STMN3: variants seen among roughly 807,000 people sequenced by gnomAD.
STMN3 encodes stathmin 3.
In STMN3, 24 loss-of-function variants were observed where a neutral mutation model predicts 23.2. The ratio of observed to expected loss-of-function variants is 1.03; its 90% CI spans 0.75 to 1.45. The LOEUF (loss-of-function observed/expected upper bound fraction) is 1.45. Ranked by LOEUF, STMN3 falls within the 40% of genes most tolerant of loss-of-function variation. STMN3 has a pLI of 0.00. For missense variants in STMN3, 235 were observed against 237.6 expected (o/e 0.99, Z 0.07); for synonymous variants, 117 against 103.4 (o/e 1.13, Z -0.80).
rs1569072055 is a variant in STMN3, at chr20:63,652,546, G to C, written c.19+781C>G. ...CCTCCGCCTGAGCTCCGCGCGGGAC[G>C]GGCCGGGAGGCCGGGGTGGGCGCTA... On this transcript the variant is annotated intron_variant, in intron 1 of 4. Coordinates refer to ENST00000370053, the MANE Select transcript of STMN3 (RefSeq NM_015894.4). This position sits in a 1 kb window ranked among gnomAD's most constrained non-coding sequence, Gnocchi z 5.3. 10 of 982,996 alleles carry C rather than the reference G, an allele frequency of 1.0e-5. No homozygotes were observed. The highest frequency in any genetic ancestry group is 1.2e-5 in the Non-Finnish European group (10 of 827,950). The allele number at this position is 982,996 out of a possible 1,614,324, so 60.9% of individuals were successfully genotyped here.
At chr20:63,642,898 G>C (rs1309992256) in intron 3 of STMN3, among the ~76,000 whole-genome samples, 3 of 152,154 alleles carry the variant, frequency 2.0e-5, no homozygotes, top group African/African-American at 4.8e-5. Context: ...GCCTCACCGG[G>C]AAGGGAACGG....
chr20:63,641,410 G>T lies in STMN3; in HGVS notation c.484-13C>A. ...CCGCGTGCAGCTCCTGCAGGACAGG[G>T]GGCGGGAGGGCCTGAGGGCGGGGGT... is the stretch of plus-strand genomic sequence containing the variant. On this transcript the variant is annotated splice_polypyrimidine_tract_variant and intron_variant, in intron 4 of 4. Transcript: ENST00000370053. The T allele has an allele frequency of 6.4e-7, 1 of 1,560,498 alleles. No homozygotes were observed. The highest frequency in any genetic ancestry group is 2.4e-5 in the East Asian group (1 of 42,110).
At chr20:63,650,827 G>C (rs1484362674) in intron 1 of STMN3, among the ~76,000 whole-genome samples, 1 of 39,102 alleles carries the variant, frequency 2.6e-5, no homozygotes, top group Non-Finnish European at 4.8e-5. Flanking sequence ...CACCCCTCCC[G>C]CCGCCCAGGT....
chr20:63,650,163 C>T (rs183693789), intron 1 of STMN3, among the ~76,000 whole-genome samples: 207 of 151,872 alleles, frequency 1.4e-3, no homozygotes, highest in African/African-American at 4.6e-3. Flanking sequence ...TGAGCCCCCG[C>T]GCCCGGCCCC....
At chr20:63,643,635 C>A in intron 3 of STMN3, 121 bp downstream of exon 3, 1 of 1,383,540 alleles carries the variant, frequency 7.2e-7, no homozygotes, top group Non-Finnish European at 9.3e-7. Flanking sequence ...CACAGCCCCT[C>A]CTGCTCCAGG....
intron 1 of STMN3, among the ~76,000 whole-genome samples, chr20:63,647,742 C>T (rs561597163): frequency 6.4e-5 from 7 of 109,862 alleles, no homozygotes; most frequent in East Asian, 2.2e-4. Flanking sequence ...TATATATACA[C>T]GTGTATATAT....
intron 2 of STMN3, 130 bp from the exon 3 acceptor site, chr20:63,644,061 C>A: frequency 7.2e-7 from 1 of 1,391,634 alleles, no homozygotes; most frequent in East Asian, 2.4e-5. Flanking sequence ...GCAGGAATCC[C>A]AGGCTTCAGC....
At chr20:63,643,564 A>G in intron 3 of STMN3, 192 bp downstream of exon 3, 4 of 905,068 alleles carry the variant, frequency 4.4e-6, no homozygotes, top group South Asian at 5.1e-5. Flanking sequence ...TACAGGCGTG[A>G]GCCACCACAC....
Position 63,641,115 on chromosome 20 carries a change from C to G in STMN3, c.*223G>C. The G allele has an allele frequency of 1.6e-6, 1 of 619,846 alleles. No individual in the cohort carries two copies. The highest frequency in any genetic ancestry group is 3.0e-6 in the Non-Finnish European group (1 of 338,854). The allele number at this position is 619,846 out of a possible 1,614,324, so 38.4% of individuals were successfully genotyped here. A position where few individuals can be genotyped will look rare whatever the true frequency, so the allele number is the denominator to read the frequency against. On this transcript the variant is annotated 3_prime_UTR_variant, in exon 5 of 5. Coordinates refer to ENST00000370053, the MANE Select transcript of STMN3 (RefSeq NM_015894.4). ...AGCCGCGCCCGGCCTGGTGTCTGCACCGAGGGACCGCGTCTCACGCCCGGC... is the reference window on the plus strand; with the variant it reads ...AGCCGCGCCCGGCCTGGTGTCTGCAGCGAGGGACCGCGTCTCACGCCCGGC...
intron 1 of STMN3, among the ~76,000 whole-genome samples, chr20:63,647,928 ACG>A (rs1491095020): frequency 8.5e-5 from 4 of 46,812 alleles, no homozygotes; most frequent in Admixed American, 3.0e-4. Context: ...TAATATATAT[ACG>A]TATATATGTG....
Position 63,647,960 on chromosome 20 carries a change from GTATA to G in STMN3, c.20-3655_20-3652del, listed in dbSNP as rs1242712476. On this transcript the variant is annotated intron_variant, in intron 1 of 4. Coordinates refer to ENST00000370053, the MANE Select transcript of STMN3 (RefSeq NM_015894.4). ...TATGTGTGTGTGTGTATATATATATGTATATATATATATATATATACATATATAT... is the reference window on the plus strand; with the variant it reads ...TATGTGTGTGTGTGTATATATATATGTATATATATATATATACATATATAT... Among the ~76,000 whole-genome samples, 23 of 53,352 alleles carry G rather than the reference GTATA, an allele frequency of 4.3e-4. 1 individual carries two copies. Among genetic ancestry groups the G allele is most frequent in the Middle Eastern group, 0.014 (1 of 70 alleles). 35.0% of individuals were successfully genotyped at this position (53,352 alleles called of 152,430 possible). A position where few individuals can be genotyped will look rare whatever the true frequency, so the allele number is the denominator to read the frequency against.
chr20:63,644,050 C>G, intron 2 of STMN3, 119 bp from the exon 3 acceptor site: 1 of 1,429,626 alleles, frequency 7.0e-7, no homozygotes, highest in Non-Finnish European at 9.5e-7. Context: ...TGGCTGCTCC[C>G]GCAGGAATCC....
At chr20:63,650,302 A>G (rs1368951235) in intron 1 of STMN3, among the ~76,000 whole-genome samples, 1 of 151,934 alleles carries the variant, frequency 6.6e-6, no homozygotes, top group Non-Finnish European at 1.5e-5. Flanking sequence ...TTCTCTTTGT[A>G]CTAAACATTA....
intron 1 of STMN3, among the ~76,000 whole-genome samples, chr20:63,650,717 C>T (rs2089852079): frequency 1.0e-5 from 1 of 98,096 alleles, no homozygotes; most frequent in Non-Finnish European, 2.1e-5. Flanking sequence ...CCCTCCCGCC[C>T]GCCCGGGTGG....
Position 63,644,507 on chromosome 20 carries a change from G to C in STMN3, c.20-198C>G, listed in dbSNP as rs1411964658. 5.9e-5 allele frequency among the ~76,000 whole-genome samples: 9 copies of C among 151,490 alleles called. No homozygotes were observed. The East Asian group carries it at 1.5e-3, about 26-fold the overall frequency. On this transcript the variant is annotated intron_variant, in intron 1 of 4. Coordinates refer to ENST00000370053, the MANE Select transcript of STMN3 (RefSeq NM_015894.4). The stretch of plus-strand genomic sequence containing the variant: ...TTCCAGACGTCGGCACTGTCTCCGT[G>C]GTGTGTCCCCTGCCTTCTGTCTCTC...
chr20:63,639,748 G>A lies in STMN3; in HGVS notation c.*1590C>T, dbSNP rs1258152864. The A allele has an allele frequency of 1.3e-5, 2 of 152,376 alleles. No homozygotes were observed. The highest frequency in any genetic ancestry group is 1.9e-4 in the East Asian group (1 of 5,308). 9.4% of individuals were successfully genotyped at this position (152,376 alleles called of 1,614,324 possible). ...CAGGTGTTTATTTAATTGTTCATTTGATTGAATTTTTAAGTTCACTTTACT... is the reference window on the plus strand; with the variant it reads ...CAGGTGTTTATTTAATTGTTCATTTAATTGAATTTTTAAGTTCACTTTACT... On this transcript the variant is annotated 3_prime_UTR_variant, in exon 5 of 5. Coordinates refer to ENST00000370053, the MANE Select transcript of STMN3 (RefSeq NM_015894.4).
rs141942314 is a variant in STMN3 at position 63,646,789 on chromosome 20, T to C, written c.20-2480A>G. ...CTTAGCAGCTGGGACTACAGGTGCATGCCAGCACACCAGTTTTCTTTTTTT... is the reference window on the plus strand; with the variant it reads ...CTTAGCAGCTGGGACTACAGGTGCACGCCAGCACACCAGTTTTCTTTTTTT... On this transcript the variant is annotated intron_variant, in intron 1 of 4. Transcript: ENST00000370053. Among the ~76,000 whole-genome samples the C allele has an allele frequency of 6.6e-3, 996 of 151,336 alleles. 30 individuals are homozygous for C. The highest frequency in any genetic ancestry group is 0.023 in the African/African-American group (937 of 41,228).
rs1478782105 is a variant in STMN3 at position 63,639,949 on chromosome 20, G to C, written c.*1389C>G. 1 of 152,514 alleles carries C rather than the reference G, an allele frequency of 6.6e-6. No individual in the cohort carries two copies. Among genetic ancestry groups the C allele is most frequent in the Admixed American group, 6.5e-5 (1 of 15,278 alleles). The allele number at this position is 152,514 out of a possible 1,614,324, so 9.4% of individuals were successfully genotyped here. On this transcript the variant is annotated 3_prime_UTR_variant, in exon 5 of 5. Coordinates refer to ENST00000370053, the MANE Select transcript of STMN3 (RefSeq NM_015894.4). Reference sequence around the variant, plus strand: ...CCTTCTGGGGCTGTCTTGGTGGGGAGAGGGAGATGGGGCAGTGGGTCCCTG... The same window carrying C: ...CCTTCTGGGGCTGTCTTGGTGGGGACAGGGAGATGGGGCAGTGGGTCCCTG...
In STMN3 at chr20:63,652,506, G is replaced by C. The variant is rs908324379; in HGVS notation, c.19+821C>G. 1.1e-6 allele frequency: 1 copy of C among 923,310 alleles called. No individual in the cohort carries two copies. The highest frequency in any genetic ancestry group is 1.3e-6 in the Non-Finnish European group (1 of 773,384). 57.2% of individuals were successfully genotyped at this position (923,310 alleles called of 1,614,324 possible). On this transcript the variant is annotated intron_variant, in intron 1 of 4. Coordinates refer to ENST00000370053, the MANE Select transcript of STMN3 (RefSeq NM_015894.4). The surrounding 1 kb of genome is among the most constrained non-coding windows in gnomAD (Gnocchi z 5.3). ...TGCGTCCAGAATCCGCCCCCCGCCC[G>C]GGCCTGCGCCCGCCCCTCCGCCTGA...
Sources: gnomAD v4.1 joint callset for allele counts (sites outside exome capture counted in the v4.1 genomes callset) on GRCh38, gnomAD v4.1.1 for gene constraint, Gnocchi (gnomAD v3.1) non-coding constraint, MANE v1.5 for transcripts, NCBI Gene and HGNC (gene_info 2026-07-23, HGNC 2026-07-21) for gene names.